DCBLD1: variants seen among roughly 807,000 people sequenced by gnomAD.
DCBLD1 encodes discoidin, CUB and LCCL domain-containing protein 1.
DCBLD1 carries 57 observed loss-of-function variants against 71.5 expected under a neutral mutation model. The ratio of observed to expected loss-of-function variants is 0.80; its 90% CI spans 0.64 to 0.99. The LOEUF is 0.99. Among genes scored for constraint, DCBLD1 ranks in the 50% least tolerant of loss-of-function variants. The probability of loss-of-function intolerance (pLI) is 0.00; values close to 1 mark genes in which losing one functional copy is unlikely to be tolerated. For missense variants in DCBLD1, 891 were observed against 923.5 expected (o/e 0.96, Z 0.46); for synonymous variants, 380 against 363.8 (o/e 1.04, Z -0.51).
rs574266429 is a variant in DCBLD1 at position 117,489,717 on chromosome 6, C to T, written c.112+6824C>T. On this transcript the variant is annotated intron_variant, in intron 1 of 14. Transcript: ENST00000338728. ...GGTCTAACTCGGTGAAACCCCGTCT[C>T]TACTAAAAATACAAAAAATTAGCCG... 1.3e-5 allele frequency among the ~76,000 whole-genome samples: 2 copies of T among 152,258 alleles called. 1 individual carries two copies. The highest frequency in any genetic ancestry group is 1.3e-4 in the Admixed American group (2 of 15,298).
intron 1 of DCBLD1, among the ~76,000 whole-genome samples, chr6:117,502,102 C>G (rs1167501909): frequency 6.6e-6 from 1 of 152,208 alleles, no homozygotes; most frequent in Non-Finnish European, 1.5e-5. Context: ...GATCCAGATT[C>G]TGTCCCCATT....
chr6:117,497,592 T>C (rs939665277), intron 1 of DCBLD1, among the ~76,000 whole-genome samples: 1 of 152,358 alleles, frequency 6.6e-6, no homozygotes, highest in South Asian at 2.1e-4. Context: ...ATTTGGAGAA[T>C]AGATACTGAG....
chr6:117,529,286 TAC>T (rs750415598), intron 5 of DCBLD1, among the ~76,000 whole-genome samples: 6 of 138,802 alleles, frequency 4.3e-5, no homozygotes, highest in Non-Finnish European at 7.7e-5. Context: ...CAAGATATTA[TAC>T]GGAGGACAGA....
chr6:117,482,970 CGGG>C, intron 1 of DCBLD1, 77 bp downstream of exon 1: 1 of 601,930 alleles, frequency 1.7e-6, no homozygotes, highest in Non-Finnish European at 2.0e-6. Flanking sequence ...CGGGCCGGGC[CGGG>C]CCGAGGGCTA....
At chr6:117,522,736 A>C (rs1264877004) in intron 4 of DCBLD1, among the ~76,000 whole-genome samples, 1 of 152,178 alleles carries the variant, frequency 6.6e-6, no homozygotes, top group Non-Finnish European at 1.5e-5. Context: ...GACTCTCTAG[A>C]GTGCTTTCCT....
chr6:117,527,329 G>A (rs1057100117), intron 5 of DCBLD1, among the ~76,000 whole-genome samples: 2 of 152,162 alleles, frequency 1.3e-5, no homozygotes, highest in African/African-American at 4.8e-5. Flanking sequence ...GATCATGGGG[G>A]TTATCTTAGA....
At chr6:117,528,438 C>T (rs1182490174) in intron 5 of DCBLD1, among the ~76,000 whole-genome samples, 1 of 152,186 alleles carries the variant, frequency 6.6e-6, no homozygotes. Context: ...TTAAATGCAA[C>T]CTAAAATGTT....
At chr6:117,522,272 G>A (rs900073149) in intron 4 of DCBLD1, among the ~76,000 whole-genome samples, 4 of 152,118 alleles carry the variant, frequency 2.6e-5, no homozygotes, top group East Asian at 1.9e-4. Context: ...CCTGTGCGTC[G>A]TTAGATACTT....
At chr6:117,524,285 C>T (rs756509821) in intron 4 of DCBLD1, among the ~76,000 whole-genome samples, 14 of 151,720 alleles carry the variant, frequency 9.2e-5, no homozygotes, top group African/African-American at 2.2e-4. Context: ...CTGCAAACTC[C>T]GCCTCCCAGG....
At chr6:117,538,253 T>C (rs1466315826) in intron 7 of DCBLD1, among the ~76,000 whole-genome samples, 1 of 152,226 alleles carries the variant, frequency 6.6e-6, no homozygotes, top group African/African-American at 2.4e-5. Flanking sequence ...CATCTGATTC[T>C]AAATCTTTTA....
At chr6:117,547,266 C>A (rs1026947551) in intron 14 of DCBLD1, among the ~76,000 whole-genome samples, 1 of 152,200 alleles carries the variant, frequency 6.6e-6, no homozygotes, top group Admixed American at 6.5e-5. Flanking sequence ...CGTTCGAATC[C>A]TACTCCATCG....
At chr6:117,555,678 C>G (rs148583685) in intron 14 of DCBLD1, among the ~76,000 whole-genome samples, 58 of 152,292 alleles carry the variant, frequency 3.8e-4, no homozygotes, top group African/African-American at 1.3e-3. Flanking sequence ...TCTATAGTCA[C>G]TCCACTACAG....
chr6:117,541,944 C>G (rs931052318), intron 11 of DCBLD1, among the ~76,000 whole-genome samples: 1 of 152,110 alleles, frequency 6.6e-6, no homozygotes, highest in African/African-American at 2.4e-5. Flanking sequence ...CTTGACCATT[C>G]CCCTGCTGTT....
intron 2 of DCBLD1, chr6:117,508,143 T>C (rs1245187860): frequency 1.3e-5 from 2 of 152,256 alleles, no homozygotes; most frequent in South Asian, 2.1e-4. Context: ...TTGGAGAAAT[T>C]TGGACACATA....
intron 14 of DCBLD1, chr6:117,562,805 T>C (rs1003196305): frequency 1.9e-5 from 4 of 210,996 alleles, no homozygotes; most frequent in East Asian, 7.2e-5. Context: ...CTACAATTCA[T>C]TGAGTCAAGC....
intron 2 of DCBLD1, among the ~76,000 whole-genome samples, chr6:117,513,286 CAG>C (rs1186442520): frequency 3.9e-5 from 6 of 152,138 alleles, no homozygotes; most frequent in African/African-American, 1.4e-4. Context: ...TAGCCCGAAA[CAG>C]GGAATGTGCT....
At chr6:117,550,668 C>G (rs1316281039), downstream of DCBLD1, among the ~76,000 whole-genome samples, 1 of 152,140 alleles carries the variant, frequency 6.6e-6, no homozygotes, top group Non-Finnish European at 1.5e-5. Context: ...TTTTATACTG[C>G]TTTGGATTCT....
chr6:117,560,517 T>C (rs1779563988), intron 14 of DCBLD1: 1 of 194,586 alleles, frequency 5.1e-6, no homozygotes, highest in Non-Finnish European at 1.1e-5. Context: ...AACCTTTTTG[T>C]TTCTAAACAT....
chr6:117,537,971 T>C (rs1329501338), intron 7 of DCBLD1, among the ~76,000 whole-genome samples: 1 of 152,216 alleles, frequency 6.6e-6, no homozygotes, highest in East Asian at 1.9e-4. Context: ...TGTTATTATT[T>C]TGAATAAAGT....
Sources: gnomAD v4.1 joint callset for allele counts (sites outside exome capture counted in the v4.1 genomes callset) on GRCh38, gnomAD v4.1.1 for gene constraint, MANE v1.5 for transcripts, NCBI Gene and HGNC (gene_info 2026-07-23, HGNC 2026-07-21) for gene names.